The following NOL4L variants were observed in gnomAD, a reference collection of about 807,000 sequenced individuals.
The protein encoded by NOL4L is nucleolar protein 4-like.
Under a neutral mutation model 64.5 loss-of-function variants are expected in NOL4L, and 7 were observed. The observed-to-expected ratio is 0.11, with a 90% CI of 0.06 to 0.20. NOL4L has a LOEUF of 0.20. Ranked by LOEUF, NOL4L falls within the 10% of genes least tolerant of loss-of-function variation. The pLI is 1.00. For synonymous variants in NOL4L, 413 were observed against 401.0 expected (o/e 1.03, Z -0.36); for missense variants, 680 against 967.1 (o/e 0.70, Z 3.94).
At chr20:32,581,125 C>A (rs1158370029) in intron 1 of NOL4L, among the ~76,000 whole-genome samples, 1 of 152,176 alleles carries the variant, frequency 6.6e-6, no homozygotes, top group Non-Finnish European at 1.5e-5. Flanking sequence ...CTTATCCCCA[C>A]CAGCACCCCT....
At chr20:32,558,585 C>T (rs1256170632) in intron 1 of NOL4L, among the ~76,000 whole-genome samples, 1 of 152,288 alleles carries the variant, frequency 6.6e-6, no homozygotes, top group East Asian at 1.9e-4. Flanking sequence ...GGTACACGGC[C>T]GCCCCACCAC....
intron 1 of NOL4L, among the ~76,000 whole-genome samples, chr20:32,563,039 G>C (rs1234098212): frequency 2.1e-5 from 1 of 48,618 alleles, no homozygotes; most frequent in East Asian, 5.0e-4. Context: ...GGTAGAGGGA[G>C]GGAGAGTGGA....
At chr20:32,526,992 C>A (rs1414331534) in intron 2 of NOL4L, among the ~76,000 whole-genome samples, 2 of 152,184 alleles carry the variant, frequency 1.3e-5, no homozygotes, top group African/African-American at 4.8e-5. Context: ...CTATTTCCAC[C>A]TCCCTGGCAT....
rs996293880 is a variant in NOL4L at position 32,453,069 on chromosome 20, A to G, written c.1498-63T>C. The G allele has an allele frequency of 8.1e-6, 13 of 1,598,146 alleles. No homozygotes were observed. In the African/African-American group the frequency reaches 1.3e-4, roughly 17 times the overall value. On this transcript the variant is annotated intron_variant, in intron 8 of 10. Transcript: ENST00000621426. The surrounding 1 kb of genome is among the most constrained non-coding windows in gnomAD (Gnocchi z 5.6). The stretch of plus-strand genomic sequence containing the variant: ...GTGGGGGCCCTGGGCTTGTGCAGAG[A>G]CCCTGCCCCAGGGGTGGGTGGCACA...
At chr20:32,564,847 T>C (rs553489727) in intron 1 of NOL4L, 2 of 152,352 alleles carry the variant, frequency 1.3e-5, no homozygotes, top group East Asian at 3.9e-4. Flanking sequence ...AGGAGCCCTG[T>C]GAGATGAGGC....
At chr20:32,468,914 A>AG (rs1180463750) in intron 5 of NOL4L, among the ~76,000 whole-genome samples, 4 of 142,488 alleles carry the variant, frequency 2.8e-5, no homozygotes, top group Non-Finnish European at 3.1e-5. Flanking sequence ...AAAAAAAAAA[A>AG]AAAAAAGAAA....
chr20:32,526,619 T>C (rs2018143022), intron 2 of NOL4L, among the ~76,000 whole-genome samples: 1 of 152,008 alleles, frequency 6.6e-6, no homozygotes, highest in South Asian at 2.1e-4. Context: ...CACATCTGCC[T>C]TGGGTGGGGA....
intron 10 of NOL4L, among the ~76,000 whole-genome samples, chr20:32,451,896 TG>T (rs1353674130): frequency 7.9e-5 from 12 of 152,126 alleles, no homozygotes; most frequent in Non-Finnish European, 1.8e-4. Flanking sequence ...GGCCCTTGGC[TG>T]GGACTCGGCA....
At chr20:32,509,517 CAAAAAAAAAA>C (rs71338441) in intron 4 of NOL4L, among the ~76,000 whole-genome samples, 160 of 62,840 alleles carry the variant, frequency 2.5e-3, no homozygotes, top group African/African-American at 7.1e-3. Flanking sequence ...GACTCTGCCT[CAAAAAAAAAA>C]AAAAAAAAAA....
chr20:32,516,360 C>T (rs2017658500), intron 3 of NOL4L, among the ~76,000 whole-genome samples: 1 of 151,988 alleles, frequency 6.6e-6, no homozygotes, highest in African/African-American at 2.4e-5. Flanking sequence ...GATGTGCATG[C>T]TATCCGGGTG....
rs577756764 is a variant in NOL4L at position 32,554,582 on chromosome 20, G to C, written c.322-26669C>G. Among the ~76,000 whole-genome samples, 170 of 152,232 alleles carry C rather than the reference G, an allele frequency of 1.1e-3. 4 individuals are homozygous for C. The South Asian group carries it at 0.034, about 31-fold the overall frequency. On this transcript the variant is annotated intron_variant, in intron 1 of 10. Coordinates refer to ENST00000621426, the MANE Select transcript of NOL4L (RefSeq NM_001256798.2). ...TCATAGGAGGCTCAGATGCTTCATT[G>C]AGGATCCACCCCTGGTCCTGTATCA...
intron 9 of NOL4L, 54 bp from the exon 10 acceptor site, chr20:32,452,491 T>C: frequency 6.9e-7 from 1 of 1,445,166 alleles, no homozygotes; most frequent in Non-Finnish European, 9.4e-7. Flanking sequence ...TGGCCCCAAC[T>C]ACCATCCCTG....
At position 32,528,052 on chromosome 20, in the gene NOL4L, C is replaced by T. The variant is rs1249109051; in HGVS notation, c.322-139G>A. On this transcript the variant is annotated intron_variant, in intron 1 of 10. Coordinates refer to ENST00000621426, the MANE Select transcript of NOL4L (RefSeq NM_001256798.2). ...GGGGTGGGGAGGGGAGGGAGCCTAC[C>T]GAGGGGGCTCCCTGGAGGGGGACGC... The T allele has an allele frequency of 2.4e-5, 8 of 332,634 alleles. No homozygotes were observed. The East Asian group carries it at 5.1e-4, about 21-fold the overall frequency. 20.6% of individuals were successfully genotyped at this position (332,634 alleles called of 1,614,324 possible). A position where few individuals can be genotyped will look rare whatever the true frequency, so the allele number is the denominator to read the frequency against.
intron 10 of NOL4L, 51 bp from the exon 11 acceptor site, chr20:32,447,867 C>G: frequency 6.6e-7 from 1 of 1,513,988 alleles, no homozygotes; most frequent in Non-Finnish European, 8.8e-7. Flanking sequence ...TGCCTGGCAT[C>G]TGGGAGGTGT....
intron 4 of NOL4L, among the ~76,000 whole-genome samples, chr20:32,503,831 C>T (rs1387287035): frequency 6.6e-6 from 1 of 152,050 alleles, no homozygotes; most frequent in African/African-American, 2.4e-5. Context: ...TCACACTTTG[C>T]CCTACTTAAT....
rs954894931 is a variant in NOL4L at position 32,445,016 on chromosome 20, C to G, written c.*2580G>C. On this transcript the variant is annotated 3_prime_UTR_variant, in exon 11 of 11. Coordinates refer to ENST00000621426, the MANE Select transcript of NOL4L (RefSeq NM_001256798.2). The stretch of plus-strand genomic sequence containing the variant: ...TCCTGTTTCCATGCAGAAACTTGCT[C>G]CTGATTCTGCCATCTCTAGGGCTTC... The G allele has an allele frequency of 2.6e-5, 4 of 152,236 alleles. No homozygotes were observed. The highest frequency in any genetic ancestry group is 5.9e-5 in the Non-Finnish European group (4 of 68,040). The allele number at this position is 152,236 out of a possible 1,614,324, so 9.4% of individuals were successfully genotyped here.
At chr20:32,462,195 A>G (rs888514237) in intron 5 of NOL4L, among the ~76,000 whole-genome samples, 1 of 152,184 alleles carries the variant, frequency 6.6e-6, no homozygotes, top group East Asian at 1.9e-4. Flanking sequence ...CCTGAAATCC[A>G]TCTGTGCCTG....
chr20:32,488,690 G>A (rs146140904), intron 4 of NOL4L, among the ~76,000 whole-genome samples: 1 of 152,240 alleles, frequency 6.6e-6, no homozygotes, highest in African/African-American at 2.4e-5. Context: ...ATGTTTCTGT[G>A]CACTGTGTTT....
chr20:32,487,609 G>T (rs1409677574), intron 4 of NOL4L, among the ~76,000 whole-genome samples: 3 of 152,160 alleles, frequency 2.0e-5, no homozygotes, highest in Admixed American at 2.0e-4. Flanking sequence ...GGGAGGGCAG[G>T]AGGGATGAGC....
Sources: gnomAD v4.1 joint callset for allele counts (sites outside exome capture counted in the v4.1 genomes callset) on GRCh38, gnomAD v4.1.1 for gene constraint, Gnocchi (gnomAD v3.1) non-coding constraint, MANE v1.5 for transcripts, NCBI Gene and HGNC (gene_info 2026-07-23, HGNC 2026-07-21) for gene names.